CDKAL1: variants seen among roughly 807,000 people sequenced by gnomAD.
CDKAL1 encodes the protein threonylcarbamoyladenosine tRNA methylthiotransferase.
In CDKAL1, 32 loss-of-function variants were observed where a neutral mutation model predicts 68.2. The observed-to-expected ratio is 0.47, with a 90% CI of 0.35 to 0.63. CDKAL1 has a LOEUF of 0.63. Among genes scored for constraint, CDKAL1 ranks in the 30% least tolerant of loss-of-function variants. The probability of loss-of-function intolerance (pLI) is 0.00; values close to 1 mark genes in which losing one functional copy is unlikely to be tolerated. For missense variants in CDKAL1, 606 were observed against 696.7 expected (o/e 0.87, Z 1.47); for synonymous variants, 234 against 244.3 (o/e 0.96, Z 0.39).
In CDKAL1 at chr6:21,069,770, C is replaced by G. The variant is rs890866120; in HGVS notation, c.1236+4542C>G. On this transcript the variant is annotated intron_variant, in intron 12 of 15. Transcript: ENST00000274695. Reference sequence around the variant, plus strand: ...TGCCCAATAAAATCCCCCAGATTTTCTTTCTTTTTTTTTTTTTTTTTTTTT... The same window carrying G: ...TGCCCAATAAAATCCCCCAGATTTTGTTTCTTTTTTTTTTTTTTTTTTTTT... Among the ~76,000 whole-genome samples the G allele has an allele frequency of 3.8e-4, 16 of 42,282 alleles. No individual in the cohort carries two copies. In the South Asian group the frequency reaches 0.012, roughly 31 times the overall value. 27.7% of individuals were successfully genotyped at this position (42,282 alleles called of 152,430 possible).
intron 8 of CDKAL1, among the ~76,000 whole-genome samples, chr6:20,802,467 A>T (rs1388895778): frequency 6.6e-6 from 1 of 152,062 alleles, no homozygotes; most frequent in Non-Finnish European, 1.5e-5. Flanking sequence ...TTCCTACTAC[A>T]GTACTCTCAA....
chr6:20,907,492 T>C (rs928463432), intron 9 of CDKAL1, among the ~76,000 whole-genome samples: 2 of 151,726 alleles, frequency 1.3e-5, no homozygotes, highest in African/African-American at 4.8e-5. Context: ...TTGAAAAAAA[T>C]GACTATGAAG....
chr6:20,857,187 T>G (rs982636497), intron 9 of CDKAL1, among the ~76,000 whole-genome samples: 1 of 152,204 alleles, frequency 6.6e-6, no homozygotes, highest in Non-Finnish European at 1.5e-5. Context: ...TCTTGTTATT[T>G]GTAATATAAG....
At chr6:20,908,789 C>T (rs1464475081) in intron 9 of CDKAL1, among the ~76,000 whole-genome samples, 1 of 152,096 alleles carries the variant, frequency 6.6e-6, no homozygotes, top group African/African-American at 2.4e-5. Flanking sequence ...AAAGTGATTG[C>T]AATGTGACAG....
At chr6:21,178,631 A>T (rs1004792153) in intron 13 of CDKAL1, among the ~76,000 whole-genome samples, 1 of 152,184 alleles carries the variant, frequency 6.6e-6, no homozygotes, top group Admixed American at 6.5e-5. Flanking sequence ...ATTGAAAATG[A>T]TCCCCCCACA....
chr6:20,753,534 G>C (rs543354093), intron 6 of CDKAL1, among the ~76,000 whole-genome samples: 1 of 152,312 alleles, frequency 6.6e-6, no homozygotes, highest in African/African-American at 2.4e-5. Flanking sequence ...TAGCCTAGTT[G>C]AGTAGTAGGC....
At chr6:21,037,092 T>C (rs969848842) in intron 11 of CDKAL1, among the ~76,000 whole-genome samples, 5 of 152,154 alleles carry the variant, frequency 3.3e-5, no homozygotes, top group Admixed American at 6.6e-5. Context: ...TTCATGATGT[T>C]TTAATGGGGG....
intron 10 of CDKAL1, among the ~76,000 whole-genome samples, chr6:20,979,200 A>G (rs541337281): frequency 1.3e-5 from 2 of 152,204 alleles, no homozygotes; most frequent in African/African-American, 2.4e-5. Context: ...GTCTGTGTAT[A>G]TTGAAACTAT....
intron 12 of CDKAL1, among the ~76,000 whole-genome samples, chr6:21,069,592 T>C (rs2150939635): frequency 6.6e-6 from 1 of 152,166 alleles, no homozygotes; most frequent in African/African-American, 2.4e-5. Context: ...ATGGAAGACA[T>C]TGATCTGTAG....
At chr6:20,899,174 C>T (rs952368665) in intron 9 of CDKAL1, among the ~76,000 whole-genome samples, 2 of 151,666 alleles carry the variant, frequency 1.3e-5, no homozygotes, top group African/African-American at 2.4e-5. Context: ...AAGTGAGTCT[C>T]CTGCCTCAGC....
intron 13 of CDKAL1, among the ~76,000 whole-genome samples, chr6:21,177,043 G>T (rs1056636025): frequency 1.3e-5 from 2 of 152,100 alleles, no homozygotes; most frequent in Non-Finnish European, 2.9e-5. Flanking sequence ...CTAACTGTTA[G>T]ATAAGAATTA....
intron 8 of CDKAL1, among the ~76,000 whole-genome samples, chr6:20,817,757 A>G (rs9366360): frequency 0.41 from 62,385 of 152,036 alleles, 13,066 homozygotes; most frequent in South Asian, 0.44. Context: ...TCCGGCAAGC[A>G]TACAAACACC....
intron 4 of CDKAL1, among the ~76,000 whole-genome samples, chr6:20,643,536 C>T (rs1157895290): frequency 1.3e-5 from 2 of 152,138 alleles, no homozygotes; most frequent in Non-Finnish European, 2.9e-5. Context: ...ATCTTAGAAG[C>T]CCAACAATGT....
chr6:20,972,345 C>T (rs1561926633), intron 10 of CDKAL1, among the ~76,000 whole-genome samples: 1 of 152,190 alleles, frequency 6.6e-6, no homozygotes, highest in Non-Finnish European at 1.5e-5. Flanking sequence ...CTGGCAGTCA[C>T]TCTTATCACC....
chr6:20,547,037 A>G (rs1763635835), intron 3 of CDKAL1, among the ~76,000 whole-genome samples: 1 of 151,976 alleles, frequency 6.6e-6, no homozygotes, highest in South Asian at 2.1e-4. Flanking sequence ...ATTTCGGAAT[A>G]TTTGCATTAC....
chr6:20,845,865 T>C (rs1008314694), intron 8 of CDKAL1, among the ~76,000 whole-genome samples: 2 of 152,202 alleles, frequency 1.3e-5, no homozygotes, highest in African/African-American at 4.8e-5. Flanking sequence ...CATTCTTGAG[T>C]AGTTGAAACT....
At chr6:21,212,733 G>A (rs1376869281) in intron 15 of CDKAL1, among the ~76,000 whole-genome samples, 1 of 151,922 alleles carries the variant, frequency 6.6e-6, no homozygotes, top group Admixed American at 6.6e-5. Flanking sequence ...GTATTTAGGG[G>A]GTACAAGCGC....
At chr6:21,027,251 A>C (rs1181865921) in intron 11 of CDKAL1, among the ~76,000 whole-genome samples, 1 of 152,100 alleles carries the variant, frequency 6.6e-6, no homozygotes, top group African/African-American at 2.4e-5. Flanking sequence ...TATTAGCCAT[A>C]TCAAATCTTC....
chr6:20,982,488 A>G (rs1202418062), intron 10 of CDKAL1, among the ~76,000 whole-genome samples: 1 of 152,126 alleles, frequency 6.6e-6, no homozygotes, highest in Non-Finnish European at 1.5e-5. Flanking sequence ...TTTACAACAC[A>G]TTTGCTCATT....
Sources: gnomAD v4.1 joint callset for allele counts (sites outside exome capture counted in the v4.1 genomes callset) on GRCh38, gnomAD v4.1.1 for gene constraint, MANE v1.5 for transcripts, NCBI Gene and HGNC (gene_info 2026-07-23, HGNC 2026-07-21) for gene names.